Variants in PRH1 observed in about 807,000 individuals in gnomAD.
PRH1 encodes salivary acidic proline-rich phosphoprotein 1/2.
Under a neutral mutation model 7.9 loss-of-function variants are expected in PRH1, and 7 were observed. That is an observed-to-expected ratio of 0.89 (90% CI 0.50 to 1.67). PRH1 has a LOEUF of 1.67. Among genes scored for constraint, PRH1 ranks in the 40% most tolerant of loss-of-function variants. The pLI is 0.00. For missense variants in PRH1, 109 were observed against 223.6 expected (o/e 0.49, Z 3.27); for synonymous variants, 45 against 80.8 (o/e 0.56, Z 2.38).
At chr12:11,024,040 A>G (rs1469514020) in intron 1 of PRH1, among the ~76,000 whole-genome samples, 2 of 152,206 alleles carry the variant, frequency 1.3e-5, no homozygotes, top group African/African-American at 4.8e-5. Flanking sequence ...CTAAAAGAAA[A>G]ACCTATTCAG....
In PRH1 at chr12:10,986,560, T is replaced by C. The variant is rs1444986644; in HGVS notation, c.-125-12839A>G. On this transcript the variant is annotated intron_variant, in intron 1 of 3. Coordinates refer to the PRH1 transcript ENST00000539853. ...TTGAGCAAATAAAATATGCTGAGGT[T>C]AGCAGCAAGCCACATGCTGAAATGG... 3.1e-6 allele frequency: 5 copies of C among 1,613,978 alleles called. No homozygotes were observed. The East Asian group carries it at 8.9e-5, about 29-fold the overall frequency.
chr12:10,915,194 T>C (rs748073924), intron 2 of PRH1, among the ~76,000 whole-genome samples: 2 of 152,150 alleles, frequency 1.3e-5, no homozygotes, highest in Non-Finnish European at 2.9e-5. Context: ...AAGGGTATGG[T>C]TGTTACATCC....
intron 1 of PRH1, among the ~76,000 whole-genome samples, chr12:11,169,862 G>T (rs578191784): frequency 6.6e-6 from 1 of 152,260 alleles, no homozygotes; most frequent in South Asian, 2.1e-4. Context: ...AGTAGCAAAA[G>T]AATACTAGCT....
At chr12:10,945,631 G>A (rs946326197) in intron 2 of PRH1, among the ~76,000 whole-genome samples, 2 of 152,250 alleles carry the variant, frequency 1.3e-5, no homozygotes, top group African/African-American at 4.8e-5. Flanking sequence ...ATGAAGTTTC[G>A]GGCATGAATT....
intron 1 of PRH1, among the ~76,000 whole-genome samples, chr12:11,112,242 C>CT (rs1260660960): frequency 2.6e-5 from 4 of 152,142 alleles, no homozygotes; most frequent in African/African-American, 9.7e-5. Flanking sequence ...GAGATGGTAC[C>CT]ATTCTTTCTG....
chr12:10,940,813 C>T (rs1333158149), intron 2 of PRH1, among the ~76,000 whole-genome samples: 12 of 152,252 alleles, frequency 7.9e-5, no homozygotes, highest in Admixed American at 7.8e-4. Context: ...GCCTCATAAA[C>T]GTCAAAGATG....
At chr12:11,091,410 T>C (rs201681140) in intron 1 of PRH1, 27,522 of 1,031,066 alleles carry the variant, frequency 0.027, 6,950 homozygotes, top group Admixed American at 0.057. Context: ...AATGGGTGGA[T>C]TGAAGGATAG....
At chr12:11,112,414 G>C (rs954303114) in intron 1 of PRH1, among the ~76,000 whole-genome samples, 2 of 152,054 alleles carry the variant, frequency 1.3e-5, no homozygotes, top group Non-Finnish European at 2.9e-5. Flanking sequence ...ATAAAATACT[G>C]GCAAGCCAAA....
intron 1 of PRH1, among the ~76,000 whole-genome samples, chr12:11,165,899 T>A (rs1263786597): frequency 6.6e-6 from 1 of 152,248 alleles, no homozygotes; most frequent in South Asian, 2.1e-4. Flanking sequence ...TCTACACTTG[T>A]GTCCCTCTCC....
chr12:10,993,175 C>T (rs1201282270), intron 1 of PRH1, among the ~76,000 whole-genome samples: 1 of 152,154 alleles, frequency 6.6e-6, no homozygotes, highest in Non-Finnish European at 1.5e-5. Flanking sequence ...AACATGGTTT[C>T]TGGTTCTTTG....
At chr12:11,117,513 C>T (rs968200658), downstream of PRH1, among the ~76,000 whole-genome samples, 2 of 152,102 alleles carry the variant, frequency 1.3e-5, no homozygotes, top group Non-Finnish European at 2.9e-5. Flanking sequence ...AGATTCAATG[C>T]AATTCCTATC....
chr12:10,911,219 A>C (rs891435365), intron 2 of PRH1, among the ~76,000 whole-genome samples: 2 of 152,102 alleles, frequency 1.3e-5, no homozygotes, highest in South Asian at 2.1e-4. Flanking sequence ...TAATACCCCA[A>C]ATCTGTACAA....
intron 1 of PRH1, among the ~76,000 whole-genome samples, chr12:11,055,771 C>T (rs553191352): frequency 6.6e-6 from 1 of 152,190 alleles, no homozygotes; most frequent in African/African-American, 2.4e-5. Flanking sequence ...ATTTTCTAAC[C>T]TAATACATAG....
At chr12:10,990,816 G>C (rs558974685) in intron 1 of PRH1, among the ~76,000 whole-genome samples, 1 of 152,260 alleles carries the variant, frequency 6.6e-6, no homozygotes, top group African/African-American at 2.4e-5. Flanking sequence ...CCAACAAGAG[G>C]GTAGAACCAA....
chr12:11,147,961 A>C lies in PRH1; in HGVS notation n.39+23461T>G, dbSNP rs375975672. ...ATTTGTTTGTATCCTCTTTTATTTCATTGAGCAGTGGTTTGTAGTTCTCCT... is the reference window on the plus strand; with the variant it reads ...ATTTGTTTGTATCCTCTTTTATTTCCTTGAGCAGTGGTTTGTAGTTCTCCT... On this transcript the variant is annotated intron_variant and non_coding_transcript_variant, in intron 1 of 1. Transcript: ENST00000541175. Among the ~76,000 whole-genome samples the C allele has an allele frequency of 1.9e-3, 280 of 148,032 alleles. No individual in the cohort carries two copies. In the East Asian group the frequency reaches 0.037, roughly 19 times the overall value.
intron 1 of PRH1, among the ~76,000 whole-genome samples, chr12:11,138,200 A>G (rs1384621864): frequency 6.6e-6 from 1 of 152,190 alleles, no homozygotes; most frequent in African/African-American, 2.4e-5. Context: ...TATACAGCAT[A>G]TCAATTTTAT....
rs79407772 is a variant in PRH1, at chr12:10,989,912, G to A, written c.-125-16191C>T. Among the ~76,000 whole-genome samples the A allele has an allele frequency of 4.3e-3, 658 of 152,102 alleles. 9 individuals are homozygous for A. Among genetic ancestry groups the A allele is most frequent in the East Asian group, 0.021 (111 of 5,186 alleles). On this transcript the variant is annotated intron_variant, in intron 1 of 3. Transcript: ENST00000539853. ...TCCTCTACCTACTTTTCAGATTTTC[G>A]ATTGGTCTTTGATATCCTGTGGCAT...
intron 2 of PRH1, chr12:10,892,055 C>A (rs745893951): frequency 6.6e-6 from 1 of 152,168 alleles, no homozygotes; most frequent in Non-Finnish European, 1.5e-5. Context: ...GTGAACGAGA[C>A]TCCTAGGGCA....
intron 1 of PRH1, chr12:11,061,893 C>T: frequency 6.2e-7 from 1 of 1,613,936 alleles, no homozygotes; most frequent in Non-Finnish European, 8.5e-7. Context: ...GCAAAGGCCC[C>T]AATAGTATCA....
Sources: gnomAD v4.1 joint callset for allele counts (sites outside exome capture counted in the v4.1 genomes callset) on GRCh38, gnomAD v4.1.1 for gene constraint, MANE v1.5 for transcripts, NCBI Gene and HGNC (gene_info 2026-07-23, HGNC 2026-07-21) for gene names.